TRPM3: variants seen among roughly 807,000 people sequenced by gnomAD.
TRPM3 encodes the protein transient receptor potential cation channel subfamily M member 3, also known as long transient receptor potential channel 3.
Under a neutral mutation model 181.2 loss-of-function variants are expected in TRPM3, and 77 were observed. The observed-to-expected ratio is 0.42, with a 90% confidence interval of 0.35 to 0.51. TRPM3 has a LOEUF of 0.51. Among genes scored for constraint, TRPM3 ranks in the 20% least tolerant of loss-of-function variants. The pLI, the probability that TRPM3 is intolerant of heterozygous loss-of-function variation, is 0.01. For missense variants in TRPM3, 1,759 were observed against 2,196.7 expected, an observed-to-expected ratio of 0.80 and a Z score of 3.98; for synonymous variants, 745 against 796.4, an observed-to-expected ratio of 0.94 and a Z score of 1.09.
intron 24 of TRPM3, 48 bp from the exon 25 acceptor site, chr9:70,549,722 G>A (rs768325180): frequency 1.6e-5 from 25 of 1,549,950 alleles, no homozygotes; most frequent in South Asian, 2.4e-5. Context: ...AAGTAAAAGC[G>A]ATGGCATCTG....
At chr9:71,294,180 A>G (rs1200373110) in intron 1 of TRPM3, among the ~76,000 whole-genome samples, 3 of 152,064 alleles carry the variant, frequency 2.0e-5, no homozygotes, top group Non-Finnish European at 4.4e-5. Context: ...GTTTATCAAG[A>G]GGAACCATGA....
At chr9:70,676,305 G>C (rs893176681) in intron 9 of TRPM3, among the ~76,000 whole-genome samples, 14 of 152,144 alleles carry the variant, frequency 9.2e-5, no homozygotes, top group African/African-American at 3.4e-4. Context: ...ACAGTCATGT[G>C]GTCTGACTTT....
chr9:70,611,758 C>T (rs1479199504), intron 18 of TRPM3, among the ~76,000 whole-genome samples: 1 of 152,226 alleles, frequency 6.6e-6, no homozygotes, highest in East Asian at 1.9e-4. Context: ...CCTTCCTCTG[C>T]AACTACGTGG....
At chr9:71,287,123 G>A (rs2309917) in intron 1 of TRPM3, among the ~76,000 whole-genome samples, 31,855 of 141,066 alleles carry the variant, frequency 0.23, 3,904 homozygotes, top group African/African-American at 0.31. Flanking sequence ...TAAAATATAT[G>A]GTAATATATA....
chr9:71,377,921 A>G (rs2092704594), intron 1 of TRPM3, among the ~76,000 whole-genome samples: 1 of 151,996 alleles, frequency 6.6e-6, no homozygotes, highest in Non-Finnish European at 1.5e-5. Context: ...CATTTTACTC[A>G]TTGCTATGTA....
chr9:71,242,404 G>A (rs568509454), intron 1 of TRPM3, among the ~76,000 whole-genome samples: 3 of 152,122 alleles, frequency 2.0e-5, no homozygotes, highest in South Asian at 2.1e-4. Flanking sequence ...GGTCATGACC[G>A]GATTAGATGG....
intron 1 of TRPM3, among the ~76,000 whole-genome samples, chr9:71,323,802 G>T (rs2089447355): frequency 6.6e-6 from 1 of 152,098 alleles, no homozygotes; most frequent in South Asian, 2.1e-4. Context: ...GAAATGTGCA[G>T]CCTAGAAGAG....
chr9:70,921,377 C>T (rs2096651454), intron 1 of TRPM3, among the ~76,000 whole-genome samples: 1 of 152,230 alleles, frequency 6.6e-6, no homozygotes, highest in Non-Finnish European at 1.5e-5. Context: ...ATTGCTTACT[C>T]ACTTCACATT....
intron 1 of TRPM3, among the ~76,000 whole-genome samples, chr9:71,290,428 T>C (rs1355401155): frequency 6.6e-6 from 1 of 152,114 alleles, no homozygotes; most frequent in East Asian, 1.9e-4. Context: ...GAATAATACG[T>C]TTTAAATACT....
At chr9:71,294,230 A>C (rs1423647715) in intron 1 of TRPM3, among the ~76,000 whole-genome samples, 1 of 152,044 alleles carries the variant, frequency 6.6e-6, no homozygotes, top group African/African-American at 2.4e-5. Context: ...TGCTGTATAT[A>C]TAACAAACAA....
chr9:71,432,322 A>G (rs1418304277), intron 1 of TRPM3, among the ~76,000 whole-genome samples: 3 of 99,000 alleles, frequency 3.0e-5, no homozygotes, highest in Non-Finnish European at 5.7e-5. Flanking sequence ...CAAAAGTAGG[A>G]CTTTTTTTTT....
chr9:71,403,592 A>G lies in TRPM3; in HGVS notation c.183+43061T>C, dbSNP rs2093382475. Among the ~76,000 whole-genome samples the G allele has an allele frequency of 2.0e-5, 3 of 152,140 alleles. No homozygotes were observed. The South Asian group carries it at 6.2e-4, about 32-fold the overall frequency. On this transcript the variant is annotated intron_variant, in intron 1 of 24. Transcript: ENST00000357533. ...ACATTTTCGTTGACGCTTCACCACA[A>G]CCCTGTGAAATAAAGCTATAATCTT...
Position 71,345,167 on chromosome 9 carries a change from T to C in TRPM3, c.183+101486A>G, listed in dbSNP as rs1403662523. Among the ~76,000 whole-genome samples the C allele has an allele frequency of 2.0e-5, 3 of 152,198 alleles. No individual in the cohort carries two copies. The East Asian group carries it at 5.8e-4, about 29-fold the overall frequency. On this transcript the variant is annotated intron_variant, in intron 1 of 24. Coordinates refer to the TRPM3 transcript ENST00000357533. ...GGAATGTACATTAGTTCAACCATTGTGGAAGACAGTGTGGTGATTCCTCAA... is the reference window on the plus strand; with the variant it reads ...GGAATGTACATTAGTTCAACCATTGCGGAAGACAGTGTGGTGATTCCTCAA...
intron 1 of TRPM3, among the ~76,000 whole-genome samples, chr9:71,010,097 C>T (rs1443067909): frequency 6.6e-6 from 1 of 151,900 alleles, no homozygotes; most frequent in African/African-American, 2.4e-5. Context: ...GTAGAGAAGG[C>T]TTAAATAAAA....
At chr9:70,776,360 C>T (rs1054393824) in intron 7 of TRPM3, 3 of 667,070 alleles carry the variant, frequency 4.5e-6, no homozygotes, top group South Asian at 1.7e-5. Context: ...CAATGCTGGC[C>T]CCTGGAACCC....
At chr9:70,839,800 T>G (rs1191945718) in intron 5 of TRPM3, among the ~76,000 whole-genome samples, 1 of 152,190 alleles carries the variant, frequency 6.6e-6, no homozygotes, top group Non-Finnish European at 1.5e-5. Flanking sequence ...GATAGAATTC[T>G]GAAGTGGTAA....
At position 70,581,273 on chromosome 9, in the gene TRPM3, T is replaced by C. The variant is rs1356549152; in HGVS notation, c.3223+9758A>G. ...TCAACATCCTGCATTTGACCTGAAG[T>C]TATTGGGGTCTTTTTCCAAGCAAGC... On this transcript the variant is annotated intron_variant, in intron 22 of 25. Coordinates refer to ENST00000677713, the MANE Select transcript of TRPM3 (RefSeq NM_001366145.2). Among the ~76,000 whole-genome samples, 6 of 152,186 alleles carry C rather than the reference T, an allele frequency of 3.9e-5. No homozygotes were observed. The East Asian group carries it at 1.2e-3, about 29-fold the overall frequency.
chr9:71,198,202 G>A (rs1394322415), intron 1 of TRPM3, among the ~76,000 whole-genome samples: 1 of 151,988 alleles, frequency 6.6e-6, no homozygotes, highest in Non-Finnish European at 1.5e-5. Context: ...TGTTATTTCT[G>A]AGGGCTCTGT....
At chr9:70,754,736 AC>A (rs1286294913) in intron 8 of TRPM3, among the ~76,000 whole-genome samples, 1 of 152,170 alleles carries the variant, frequency 6.6e-6, no homozygotes, top group Admixed American at 6.5e-5. Flanking sequence ...ATAATATTAT[AC>A]CCCATATAGT....
Sources: allele counts gnomAD v4.1 joint callset (sites outside exome capture counted in the v4.1 genomes callset), GRCh38; gene constraint gnomAD v4.1.1; transcripts MANE v1.5; gene names NCBI Gene and HGNC (gene_info 2026-07-23, HGNC 2026-07-21).